The following ZNF428 variants were observed in gnomAD, a reference collection of about 807,000 sequenced individuals.
ZNF428 encodes enzyme-like protein PIT13.
ZNF428 carries 5 observed loss-of-function variants against 15.6 expected under a neutral mutation model. That is an observed-to-expected ratio of 0.32 (90% confidence interval 0.17 to 0.67). The LOEUF (loss-of-function observed/expected upper bound fraction) is 0.67, where lower values mean the gene tolerates loss of function less well. Among genes scored for constraint, ZNF428 ranks in the 30% least tolerant of loss-of-function variants. The pLI, the probability that ZNF428 is intolerant of heterozygous loss-of-function variation, is 0.73. For missense variants in ZNF428, 237 were observed against 256.0 expected, an observed-to-expected ratio of 0.93 and a Z score of 0.51; for synonymous variants, 97 against 102.2, an observed-to-expected ratio of 0.95 and a Z score of 0.31.
chr19:43,609,819 G>A (rs1049443040), intron 2 of ZNF428, among the ~76,000 whole-genome samples: 5 of 152,076 alleles, frequency 3.3e-5, no homozygotes, highest in African/African-American at 4.8e-5. Flanking sequence ...TTATGGGGGC[G>A]CACACACAGA....
Position 43,607,704 on chromosome 19 carries a change from G to A in ZNF428, c.480C>T (p.Thr160=), listed in dbSNP as rs564469170. 6.2e-7 allele frequency: 1 copy of A among 1,614,060 alleles called. No individual in the cohort carries two copies. Among genetic ancestry groups the A allele is most frequent in the South Asian group, 1.1e-5 (1 of 91,062 alleles). The change falls in exon 3 of 3, where the codon ACC becomes ACT. Residue 160 remains threonine (T), a synonymous_variant. Transcript: ENST00000300811. The surrounding 1 kb of genome is among the most constrained non-coding windows in gnomAD (Gnocchi z 5.1). Reference sequence around the variant, plus strand: ...AATCCTCACATTCCGTACAGTGGTAGGTTCCCTCCTCCTCCTCTTCCTCCT... The same window carrying A: ...AATCCTCACATTCCGTACAGTGGTAAGTTCCCTCCTCCTCCTCTTCCTCCT... ...EEEEEEEEEG[T]YHCTECEDSF... is the part of the protein sequence containing the mutation.
intron 2 of ZNF428, chr19:43,613,910 A>T: frequency 6.4e-7 from 1 of 1,551,724 alleles, no homozygotes; most frequent in Non-Finnish European, 8.7e-7. Context: ...CAGCCGATCT[A>T]GAAGCCCCAA....
chr19:43,612,278 C>G lies in ZNF428; in HGVS notation c.76+1951G>C. 6.4e-7 allele frequency: 1 copy of G among 1,551,672 alleles called. No homozygotes were observed. The highest frequency in any genetic ancestry group is 8.7e-7 in the Non-Finnish European group (1 of 1,147,004). On this transcript the variant is annotated intron_variant, in intron 2 of 2. Coordinates refer to ENST00000300811, the MANE Select transcript of ZNF428 (RefSeq NM_182498.4). The surrounding 1 kb of genome is among the most constrained non-coding windows in gnomAD (Gnocchi z 4.2). Reference sequence around the variant, plus strand: ...AGTGCCCACCAAACCAGCGACATCCCGTAACTCAGTCATGAGCCCAAGCAG... The same window carrying G: ...AGTGCCCACCAAACCAGCGACATCCGGTAACTCAGTCATGAGCCCAAGCAG...
intron 1 of ZNF428, among the ~76,000 whole-genome samples, chr19:43,616,812 CTT>C (rs773874043): frequency 1.6e-4 from 22 of 138,328 alleles, no homozygotes; most frequent in Non-Finnish European, 1.3e-4. Flanking sequence ...CCTCCTCCTC[CTT>C]TTTTTTTTTT....
Position 43,612,385 on chromosome 19 carries a change from A to C in ZNF428, c.76+1844T>G, listed in dbSNP as rs1377077613. 1.3e-6 allele frequency: 2 copies of C among 1,551,588 alleles called. No homozygotes were observed. The highest frequency in any genetic ancestry group is 1.7e-6 in the Non-Finnish European group (2 of 1,147,002). On this transcript the variant is annotated intron_variant, in intron 2 of 2. Coordinates refer to ENST00000300811, the MANE Select transcript of ZNF428 (RefSeq NM_182498.4). The surrounding 1 kb of genome is among the most constrained non-coding windows in gnomAD (Gnocchi z 4.2). ...GCAGGTCCCGAGTCCGCAGCAAAGC[A>C]AGAACACCCAGCAGGGTGAGCACCG...
chr19:43,607,514 C>G lies in ZNF428; in HGVS notation c.*103G>C, dbSNP rs748097548. ...CATCTACTTCTAAGACAACACAGACCGGCAGTACCCCATCCCCCATGACCA... is the reference window on the plus strand; with the variant it reads ...CATCTACTTCTAAGACAACACAGACGGGCAGTACCCCATCCCCCATGACCA... On this transcript the variant is annotated 3_prime_UTR_variant, in exon 3 of 3. Transcript: ENST00000300811. This position sits in a 1 kb window ranked among gnomAD's most constrained non-coding sequence, Gnocchi z 5.1. 4 of 1,384,216 alleles carry G rather than the reference C, an allele frequency of 2.9e-6. No homozygotes were observed. Among genetic ancestry groups the G allele is most frequent in the African/African-American group, 1.4e-5 (1 of 69,028 alleles). The allele number at this position is 1,384,216 out of a possible 1,614,324, so 85.7% of individuals were successfully genotyped here. A position where few individuals can be genotyped will look rare whatever the true frequency, so the allele number is the denominator to read the frequency against.
chr19:43,611,965 C>A lies in ZNF428; in HGVS notation c.76+2264G>T, dbSNP rs1180383669. The stretch of plus-strand genomic sequence containing the variant: ...CTGGGACCCCTCCCCTCTCTCCTCC[C>A]ACCTCTGACTTCATACCACTCACCC... On this transcript the variant is annotated intron_variant, in intron 2 of 2. Coordinates refer to ENST00000300811, the MANE Select transcript of ZNF428 (RefSeq NM_182498.4). 5 of 637,252 alleles carry A rather than the reference C, an allele frequency of 7.8e-6. No individual in the cohort carries two copies. In the East Asian group the frequency reaches 1.4e-4, roughly 17 times the overall value. 39.5% of individuals were successfully genotyped at this position (637,252 alleles called of 1,614,324 possible). A position where few individuals can be genotyped will look rare whatever the true frequency, so the allele number is the denominator to read the frequency against.
Position 43,608,040 on chromosome 19 carries a change from C to A in ZNF428, c.144G>T (p.Glu48Asp), listed in dbSNP as rs1439529813. 2 of 1,613,894 alleles carry A rather than the reference C, an allele frequency of 1.2e-6. No homozygotes were observed. The highest frequency in any genetic ancestry group is 1.7e-5 in the Admixed American group (1 of 59,994). ...CAGTGGTCTCCTCTTCCTCCTCCTC[C>A]TCATCTTCTTCCTCTTCGGAGTCCG... ...SEPDSEEEED[E>D]EEEEEETTDD... is the part of the protein sequence containing the mutation. The change falls in exon 3 of 3, where the codon GAG becomes GAT. Residue 48 changes from glutamate to aspartate, a missense_variant. Transcript: ENST00000300811.
At chr19:43,609,330 C>T (rs1389872230) in intron 2 of ZNF428, among the ~76,000 whole-genome samples, 1 of 128,212 alleles carries the variant, frequency 7.8e-6, no homozygotes, top group Admixed American at 8.1e-5. Flanking sequence ...CATGCATACA[C>T]ACAGATGTAC....
Position 43,614,392 on chromosome 19 carries a change from C to A in ZNF428, c.-88G>T. Reference sequence around the variant, plus strand: ...AGCTCTCCACAGCCACACCTCCGGCCACAAGTTCTCTAATACAGGATGTTG... The same window carrying A: ...AGCTCTCCACAGCCACACCTCCGGCAACAAGTTCTCTAATACAGGATGTTG... On this transcript the variant is annotated 5_prime_UTR_variant, in exon 2 of 3. Transcript: ENST00000300811. The A allele has an allele frequency of 1.3e-6, 2 of 1,503,714 alleles. No individual in the cohort carries two copies. The highest frequency in any genetic ancestry group is 2.7e-5 in the South Asian group (2 of 73,480). 93.1% of individuals were successfully genotyped at this position (1,503,714 alleles called of 1,614,324 possible). A position where few individuals can be genotyped will look rare whatever the true frequency, so the allele number is the denominator to read the frequency against.
rs771574818 is a variant in ZNF428, at chr19:43,613,780, GGA to G, written c.76+447_76+448del. 50 of 1,549,884 alleles carry G rather than the reference GGA, an allele frequency of 3.2e-5. No individual in the cohort carries two copies. In the African/African-American group the frequency reaches 5.7e-4, roughly 18 times the overall value. Reference sequence around the variant, plus strand: ...GCAGCCAATCTAGAAGCCCCAGCGAGGAGAGAGAGCACAGACAATCCAGAAGC... The same window carrying G: ...GCAGCCAATCTAGAAGCCCCAGCGAGGAGAGAGCACAGACAATCCAGAAGC... On this transcript the variant is annotated intron_variant, in intron 2 of 2. Transcript: ENST00000300811.
rs1196837062 is a variant in ZNF428 at position 43,612,261 on chromosome 19, C to G, written c.76+1968G>C. 2.6e-6 allele frequency: 4 copies of G among 1,551,580 alleles called. No individual in the cohort carries two copies. Among genetic ancestry groups the G allele is most frequent in the Non-Finnish European group, 3.5e-6 (4 of 1,146,998 alleles). On this transcript the variant is annotated intron_variant, in intron 2 of 2. Coordinates refer to ENST00000300811, the MANE Select transcript of ZNF428 (RefSeq NM_182498.4). The surrounding 1 kb of genome is among the most constrained non-coding windows in gnomAD (Gnocchi z 4.2). ...ACACCCAACAGATCCTTAGTGCCCACCAAACCAGCGACATCCCGTAACTCA... is the reference window on the plus strand; with the variant it reads ...ACACCCAACAGATCCTTAGTGCCCAGCAAACCAGCGACATCCCGTAACTCA...
intron 1 of ZNF428, 69 bp from the exon 2 acceptor site, chr19:43,614,503 G>A: frequency 7.2e-7 from 1 of 1,379,754 alleles, no homozygotes; most frequent in Non-Finnish European, 9.5e-7. Flanking sequence ...TCCCCACCAA[G>A]CCCAACTGTG....
At position 43,607,929 on chromosome 19, in the gene ZNF428, T is replaced by A; in HGVS notation, c.255A>T (p.Ala85=). The change falls in exon 3 of 3, where the codon GCA becomes GCT. Residue 85 remains alanine, a synonymous_variant. Transcript: ENST00000300811. This position sits in a 1 kb window ranked among gnomAD's most constrained non-coding sequence, Gnocchi z 5.1. ...RGGPSRRAPR[A]AQPPAQPCQL... ...GGCAAGGCTGGGCCGGGGGCTGGGC[T>A]GCACGGGGGGCCCGGCGGGATGGGC... is the stretch of plus-strand genomic sequence containing the variant. 6.3e-7 allele frequency: 1 copy of A among 1,576,570 alleles called. No individual in the cohort carries two copies. Among genetic ancestry groups the A allele is most frequent in the Non-Finnish European group, 8.6e-7 (1 of 1,161,130 alleles).
At position 43,607,363 on chromosome 19, in the gene ZNF428, CA is replaced by C. The variant is rs1194619110; in HGVS notation, c.*253del. Reference sequence around the variant, plus strand: ...CCCCAAGGTTCCCCAAGAAGGAGCCCAGGGGGAATACACACACACACACACA... The same window carrying C: ...CCCCAAGGTTCCCCAAGAAGGAGCCCGGGGGAATACACACACACACACACA... On this transcript the variant is annotated 3_prime_UTR_variant, in exon 3 of 3. Transcript: ENST00000300811. This position sits in a 1 kb window ranked among gnomAD's most constrained non-coding sequence, Gnocchi z 5.1. 9.2e-6 allele frequency: 4 copies of C among 436,834 alleles called. No homozygotes were observed. Among genetic ancestry groups the C allele is most frequent in the East Asian group, 3.6e-5 (1 of 27,566 alleles). 27.1% of individuals were successfully genotyped at this position (436,834 alleles called of 1,614,324 possible). A position where few individuals can be genotyped will look rare whatever the true frequency, so the allele number is the denominator to read the frequency against.
Position 43,612,562 on chromosome 19 carries a change from T to G in ZNF428, c.76+1667A>C, listed in dbSNP as rs1973311561. ...CCAGCACTCCTGGCAGGATAAGAAC[T>G]CATGGTGCCAGACCAGGCATGGCCA... On this transcript the variant is annotated intron_variant, in intron 2 of 2. Transcript: ENST00000300811. The surrounding 1 kb of genome is among the most constrained non-coding windows in gnomAD (Gnocchi z 4.2). 22 of 1,550,990 alleles carry G rather than the reference T, an allele frequency of 1.4e-5. No homozygotes were observed. Among genetic ancestry groups the G allele is most frequent in the Non-Finnish European group, 1.8e-5 (21 of 1,146,828 alleles).
intron 2 of ZNF428, among the ~76,000 whole-genome samples, chr19:43,610,953 T>A (rs545299822): frequency 6.6e-6 from 1 of 152,294 alleles, no homozygotes; most frequent in Non-Finnish European, 1.5e-5. Flanking sequence ...CATTTAACAA[T>A]CGTTTCCTGA....
intron 2 of ZNF428, 120 bp from the exon 3 acceptor site, chr19:43,608,227 A>G (rs1051516147): frequency 1.6e-5 from 22 of 1,350,280 alleles, no homozygotes; most frequent in Non-Finnish European, 2.1e-5. Flanking sequence ...TAGCCTAGAC[A>G]CTACCCTTCC....
chr19:43,611,508 TG>T (rs1241761788), intron 2 of ZNF428, among the ~76,000 whole-genome samples: 1 of 152,060 alleles, frequency 6.6e-6, no homozygotes, highest in East Asian at 1.9e-4. Context: ...TTGGTAGAGA[TG>T]GGGTTTCACC....
Sources: gnomAD v4.1 joint callset for allele counts (sites outside exome capture counted in the v4.1 genomes callset) on GRCh38, gnomAD v4.1.1 for gene constraint, Gnocchi (gnomAD v3.1) non-coding constraint, MANE v1.5 for transcripts, NCBI Gene and HGNC (gene_info 2026-07-23, HGNC 2026-07-21) for gene names.